Variants in EMID1 observed in about 807,000 individuals in gnomAD.
EMID1 encodes EMI domain-containing protein 1.
In EMID1, 40 loss-of-function variants were observed where a neutral mutation model predicts 60.6. The observed-to-expected ratio is 0.66, with a 90% CI of 0.51 to 0.86. EMID1 has a LOEUF of 0.86. Among genes scored for constraint, EMID1 ranks in the 40% least tolerant of loss-of-function variants. The probability of loss-of-function intolerance (pLI) is 0.00; values close to 1 mark genes in which losing one functional copy is unlikely to be tolerated. For missense variants in EMID1, 585 were observed against 597.1 expected, an observed-to-expected ratio of 0.98 and a Z score of 0.21; for synonymous variants, 242 against 231.0, an observed-to-expected ratio of 1.05 and a Z score of -0.43.
intron 13 of EMID1, among the ~76,000 whole-genome samples, chr22:29,244,937 A>G (rs1190534735): frequency 6.6e-6 from 1 of 152,100 alleles, no homozygotes; most frequent in African/African-American, 2.4e-5. Context: ...CCCCCTCCAC[A>G]TGCAGTCTGG....
chr22:29,256,315 A>C (rs2041704465), intron 14 of EMID1, among the ~76,000 whole-genome samples: 1 of 152,000 alleles, frequency 6.6e-6, no homozygotes, highest in Non-Finnish European at 1.5e-5. Flanking sequence ...TCTACTAAAA[A>C]TTAGTTGGGT....
At position 29,215,549 on chromosome 22, in the gene EMID1, A is replaced by G. The variant is rs2040050010; in HGVS notation, c.238A>G (p.Thr80Ala). ...GSSYRTVVRP[T>A]YKVMYKIVTA... ...CAGCTACAGAACTGTGGTGAGACCCACATACAAGGTGATGTACAAGATAGT... is the reference window on the plus strand; with the variant it reads ...CAGCTACAGAACTGTGGTGAGACCCGCATACAAGGTGATGTACAAGATAGT... Residue 80 changes from threonine (T) to alanine (A), a missense_variant, in exon 3 of 15, where the codon ACA becomes GCA. Coordinates refer to ENST00000334018, the MANE Select transcript of EMID1 (RefSeq NM_133455.4). 3 of 1,614,094 alleles carry G rather than the reference A, an allele frequency of 1.9e-6. No homozygotes were observed. Among genetic ancestry groups the G allele is most frequent in the Non-Finnish European group, 2.5e-6 (3 of 1,179,974 alleles).
chr22:29,249,594 ATTTAT>A (rs1569004805), intron 13 of EMID1, among the ~76,000 whole-genome samples: 3 of 62,928 alleles, frequency 4.8e-5, no homozygotes, highest in Admixed American at 1.9e-4. Context: ...TTTATTATTT[ATTTAT>A]TTATTTATTT....
At chr22:29,223,451 C>G (rs762964066) in intron 3 of EMID1, among the ~76,000 whole-genome samples, 13 of 152,212 alleles carry the variant, frequency 8.5e-5, no homozygotes, top group Non-Finnish European at 1.9e-4. Context: ...CACATCTCCA[C>G]CTGGAAGCAG....
At chr22:29,253,175 T>C (rs1310952099) in intron 13 of EMID1, among the ~76,000 whole-genome samples, 1 of 152,250 alleles carries the variant, frequency 6.6e-6, no homozygotes, top group African/African-American at 2.4e-5. Flanking sequence ...CCAGGGATGG[T>C]GGCTCACGCC....
chr22:29,246,441 G>C (rs565972210), intron 13 of EMID1, among the ~76,000 whole-genome samples: 41 of 152,108 alleles, frequency 2.7e-4, no homozygotes, highest in Non-Finnish European at 1.5e-4. Flanking sequence ...GGGGGCTGTC[G>C]TGGTCATCCT....
intron 3 of EMID1, chr22:29,216,716 G>C: frequency 1.1e-6 from 1 of 948,630 alleles, no homozygotes; most frequent in Non-Finnish European, 1.3e-6. Context: ...CTGAGGCCCA[G>C]TGAGGTGGAG....
intron 12 of EMID1, among the ~76,000 whole-genome samples, chr22:29,236,692 A>G (rs1427376098): frequency 6.6e-6 from 1 of 152,176 alleles, no homozygotes; most frequent in African/African-American, 2.4e-5. Context: ...CTCCATCTCA[A>G]AAAAATAAGT....
chr22:29,209,019 G>T (rs957504403), intron 1 of EMID1, among the ~76,000 whole-genome samples: 3 of 152,188 alleles, frequency 2.0e-5, no homozygotes, highest in Admixed American at 6.5e-5. Context: ...CTGGAACTTC[G>T]CCCCTACTGC....
At chr22:29,232,146 G>A (rs2040770962) in intron 7 of EMID1, 110 bp from the exon 8 acceptor site, 13 of 1,310,346 alleles carry the variant, frequency 9.9e-6, no homozygotes, top group Middle Eastern at 2.6e-4. Flanking sequence ...TGTGGACTCC[G>A]GGGCCCTCTC....
chr22:29,226,383 C>A, intron 4 of EMID1, 107 bp from the exon 5 acceptor site: 1 of 1,281,752 alleles, frequency 7.8e-7, no homozygotes, highest in South Asian at 1.4e-5. Flanking sequence ...GGGTTGGGGT[C>A]ATCAGGTATC....
intron 13 of EMID1, among the ~76,000 whole-genome samples, chr22:29,247,521 G>T (rs1325841464): frequency 3.3e-5 from 5 of 152,230 alleles, no homozygotes; most frequent in African/African-American, 1.2e-4. Context: ...AACCTAAACA[G>T]CACGTTACTA....
rs191022553 is a variant in EMID1, at chr22:29,252,441, T to C, written c.1120-1762T>C. 3.3e-5 allele frequency among the ~76,000 whole-genome samples: 5 copies of C among 152,234 alleles called. No individual in the cohort carries two copies. The East Asian group carries it at 9.7e-4, about 29-fold the overall frequency. The stretch of plus-strand genomic sequence containing the variant: ...ACTGAGTAAAGGGCACCAAGAGAGA[T>C]TTCCAGATGTTGTCAGAGCTGGGAT... On this transcript the variant is annotated intron_variant, in intron 13 of 14. Coordinates refer to ENST00000334018, the MANE Select transcript of EMID1 (RefSeq NM_133455.4).
In EMID1 at chr22:29,239,301, T is replaced by G. The variant is rs545805115; in HGVS notation, c.1075-4144T>G. On this transcript the variant is annotated intron_variant, in intron 12 of 14. Transcript: ENST00000334018. ...ATCTTTTTTTTCTTTTAAAAAAAAT[T>G]TTTTTTTAATGTAGAGGCAGGGTTT... Among the ~76,000 whole-genome samples, 43 of 65,450 alleles carry G rather than the reference T, an allele frequency of 6.6e-4. 6 individuals carry two copies. The highest frequency in any genetic ancestry group is 2.3e-3 in the African/African-American group (42 of 17,894). The allele number at this position is 65,450 out of a possible 152,430, so 42.9% of individuals were successfully genotyped here.
intron 13 of EMID1, among the ~76,000 whole-genome samples, chr22:29,249,587 A>ATTTATTTATTAT (rs1267032933): frequency 1.4e-5 from 2 of 139,502 alleles, no homozygotes; most frequent in African/African-American, 5.4e-5. Context: ...AAATACCTTT[A>ATTTATTTATTAT]TTATTTATTT....
intron 10 of EMID1, 46 bp from the exon 11 acceptor site, chr22:29,234,091 T>G (rs370239184): frequency 1.9e-6 from 3 of 1,553,254 alleles, no homozygotes; most frequent in African/African-American, 1.4e-5. Flanking sequence ...CCCTGCCCAC[T>G]CCATCCTGCC....
intron 5 of EMID1, among the ~76,000 whole-genome samples, chr22:29,228,156 CAAAAAA>C (rs748240529): frequency 5.1e-5 from 2 of 38,930 alleles, no homozygotes; most frequent in African/African-American, 1.7e-4. Context: ...AACTCCATCT[CAAAAAA>C]AAAAAAAAAA....
At chr22:29,214,793 A>T in intron 1 of EMID1, 133 bp from the exon 2 acceptor site, 1 of 563,514 alleles carries the variant, frequency 1.8e-6, no homozygotes, top group Non-Finnish European at 3.0e-6. Flanking sequence ...TGACTTTGCA[A>T]GCTCAGGGCT....
At chr22:29,226,418 C>A in intron 4 of EMID1, 72 bp from the exon 5 acceptor site, 1 of 1,530,546 alleles carries the variant, frequency 6.5e-7, no homozygotes, top group South Asian at 1.2e-5. Context: ...ATCCCAACCC[C>A]CAGAGACTGA....
Sources: gnomAD v4.1 joint callset for allele counts (sites outside exome capture counted in the v4.1 genomes callset) on GRCh38, gnomAD v4.1.1 for gene constraint, MANE v1.5 for transcripts, NCBI Gene and HGNC (gene_info 2026-07-23, HGNC 2026-07-21) for gene names.